The following PAQR5 variants were observed in gnomAD, a reference collection of about 807,000 sequenced individuals.
PAQR5 encodes progestin and adipoQ receptor family member 5.
A neutral mutation model predicts 34.5 loss-of-function variants in PAQR5; 20 were observed. That is an observed-to-expected ratio of 0.58 (90% CI 0.41 to 0.84). PAQR5 has a LOEUF of 0.84. PAQR5 is among the 40% of genes least tolerant of loss of function. The pLI is 0.00. For missense variants in PAQR5, 378 were observed against 412.7 expected (o/e 0.92, Z 0.73); for synonymous variants, 131 against 155.6 (o/e 0.84, Z 1.18).
rs1403882119 is a variant in PAQR5, at chr15:69,389,703, C to T, written c.435C>T (p.Cys145=). 4.3e-6 allele frequency: 7 copies of T among 1,614,198 alleles called. No homozygotes were observed. Among genetic ancestry groups the T allele is most frequent in the Middle Eastern group, 1.6e-4 (1 of 6,062 alleles). Reference sequence around the variant, plus strand: ...ACACGTTCCCGGATGCGCTCATGTGCACCACTTTCCATGACTACTACGTGG... The same window carrying T: ...ACACGTTCCCGGATGCGCTCATGTGTACCACTTTCCATGACTACTACGTGG... The part of the protein sequence containing the change: ...SAYTFPDALM[C]TTFHDYYVAL... Residue 145 remains cysteine (C), a synonymous_variant, in exon 6 of 9, where the codon TGC becomes TGT. Coordinates refer to ENST00000395407, the MANE Select transcript of PAQR5 (RefSeq NM_017705.4).
intron 1 of PAQR5, among the ~76,000 whole-genome samples, chr15:69,300,841 TTTTCTTTCTTTCTTTC>T (rs541929828): frequency 0.037 from 719 of 19,572 alleles, 166 homozygotes; most frequent in South Asian, 0.16. Flanking sequence ...CTTTAGTTCG[TTTTCTTTCTTTCTTTC>T]TTTCTTTCTT....
intron 1 of PAQR5, among the ~76,000 whole-genome samples, chr15:69,330,647 G>C (rs914559331): frequency 2.0e-5 from 3 of 151,972 alleles, no homozygotes; most frequent in South Asian, 2.1e-4. Context: ...TTTCATCCCT[G>C]ACCAGCACTC....
chr15:69,315,512 C>A (rs1240718685), intron 1 of PAQR5, among the ~76,000 whole-genome samples: 1 of 152,162 alleles, frequency 6.6e-6, no homozygotes, highest in Non-Finnish European at 1.5e-5. Context: ...CCCTGACTCA[C>A]ACTGCAGAGG....
At chr15:69,383,090 TG>T (rs1342125619) in intron 4 of PAQR5, 1 of 152,212 alleles carries the variant, frequency 6.6e-6, no homozygotes, top group Non-Finnish European at 1.5e-5. Context: ...CCCAACGTAC[TG>T]CCTCCCAATT....
intron 3 of PAQR5, among the ~76,000 whole-genome samples, chr15:69,370,625 T>G (rs1234686492): frequency 1.3e-5 from 2 of 152,202 alleles, no homozygotes; most frequent in African/African-American, 4.8e-5. Context: ...GTTCAAGCGA[T>G]TCTCCTGCCT....
intron 1 of PAQR5, among the ~76,000 whole-genome samples, chr15:69,310,395 C>T (rs920852165): frequency 6.6e-6 from 1 of 152,180 alleles, no homozygotes; most frequent in Non-Finnish European, 1.5e-5. Context: ...TTACCACACC[C>T]TCCAACAGAG....
chr15:69,333,504 A>C (rs1163423148), intron 1 of PAQR5, among the ~76,000 whole-genome samples: 1 of 152,114 alleles, frequency 6.6e-6, no homozygotes, highest in East Asian at 1.9e-4. Flanking sequence ...GGCCACCTGG[A>C]AGATAAGGAG....
intron 3 of PAQR5, chr15:69,379,448 T>A (rs2055817192): frequency 1.0e-6 from 1 of 985,326 alleles, no homozygotes; most frequent in Non-Finnish European, 1.2e-6. Context: ...ACCGGGGGCA[T>A]CTTCTGCAGA....
chr15:69,303,296 G>A (rs2053644641), intron 1 of PAQR5, among the ~76,000 whole-genome samples: 2 of 151,462 alleles, frequency 1.3e-5, no homozygotes, highest in Non-Finnish European at 1.5e-5. Flanking sequence ...TGGTTGCTAG[G>A]GGTGCTTAAG....
At chr15:69,346,760 T>G (rs2054784796) in intron 2 of PAQR5, among the ~76,000 whole-genome samples, 1 of 151,898 alleles carries the variant, frequency 6.6e-6, no homozygotes, top group African/African-American at 2.4e-5. Flanking sequence ...TAGCTGGGAC[T>G]GCAGGCATGC....
chr15:69,351,171 GTC>G (rs1478413502), intron 2 of PAQR5, among the ~76,000 whole-genome samples: 3 of 152,234 alleles, frequency 2.0e-5, no homozygotes, highest in Admixed American at 6.5e-5. Context: ...CATTAGAGCT[GTC>G]TCTACCTAGA....
At chr15:69,328,816 T>C (rs961193935) in intron 1 of PAQR5, among the ~76,000 whole-genome samples, 1 of 152,144 alleles carries the variant, frequency 6.6e-6, no homozygotes, top group African/African-American at 2.4e-5. Context: ...TTGCCTTGGG[T>C]GCGGACTTTA....
chr15:69,299,911 C>T (rs2053490821), intron 1 of PAQR5, among the ~76,000 whole-genome samples: 1 of 110,404 alleles, frequency 9.1e-6, no homozygotes. Flanking sequence ...CAAAAAGGGA[C>T]ACATCCCTGA....
At chr15:69,379,707 A>G in intron 3 of PAQR5, 176 bp from the exon 4 acceptor site, 1 of 770,282 alleles carries the variant, frequency 1.3e-6, no homozygotes, top group Admixed American at 6.2e-5. Flanking sequence ...TTGGAGGACA[A>G]GGGATTTTAG....
intron 2 of PAQR5, among the ~76,000 whole-genome samples, chr15:69,357,021 GTTGT>G (rs1234977056): frequency 6.6e-6 from 1 of 152,056 alleles, no homozygotes; most frequent in Non-Finnish European, 1.5e-5. Context: ...TCAAGATCTG[GTTGT>G]TTAAAAGTGC....
At chr15:69,319,419 T>G (rs1021895786) in intron 1 of PAQR5, among the ~76,000 whole-genome samples, 1 of 151,424 alleles carries the variant, frequency 6.6e-6, no homozygotes, top group East Asian at 2.0e-4. Flanking sequence ...TTCTAGGCCA[T>G]GTGACCCGAA....
chr15:69,380,490 T>C (rs915275731), intron 4 of PAQR5: 1 of 155,398 alleles, frequency 6.4e-6, no homozygotes, highest in Non-Finnish European at 1.4e-5. Context: ...CACAGAGTTG[T>C]GGGTGTTCCG....
Position 69,385,808 on chromosome 15 carries a change from C to T in PAQR5, c.385+926C>T, listed in dbSNP as rs1238906582. On this transcript the variant is annotated intron_variant, in intron 5 of 8. Transcript: ENST00000395407. This position sits in a 1 kb window ranked among gnomAD's most constrained non-coding sequence, Gnocchi z 4.7. ...GACACACACACATACAATGCACTCACACATGCACATACACACACTCACCAC... is the reference window on the plus strand; with the variant it reads ...GACACACACACATACAATGCACTCATACATGCACATACACACACTCACCAC... Among the ~76,000 whole-genome samples the T allele has an allele frequency of 6.6e-6, 1 of 151,834 alleles. No individual in the cohort carries two copies. The highest frequency in any genetic ancestry group is 1.5e-5 in the Non-Finnish European group (1 of 67,942).
intron 2 of PAQR5, among the ~76,000 whole-genome samples, chr15:69,345,545 C>G (rs1274235153): frequency 6.6e-6 from 1 of 152,122 alleles, no homozygotes; most frequent in Non-Finnish European, 1.5e-5. Flanking sequence ...TTTGCTTGGT[C>G]TCAAATGGAA....
Sources: gnomAD v4.1 joint callset for allele counts (sites outside exome capture counted in the v4.1 genomes callset) on GRCh38, gnomAD v4.1.1 for gene constraint, Gnocchi (gnomAD v3.1) non-coding constraint, MANE v1.5 for transcripts, NCBI Gene and HGNC (gene_info 2026-07-23, HGNC 2026-07-21) for gene names.